GDF11: variants seen among roughly 807,000 people sequenced by gnomAD.
The protein encoded by GDF11 is growth differentiation factor 11, also known as growth/differentiation factor 11.
Under a neutral mutation model 34.4 loss-of-function variants are expected in GDF11, and 12 were observed. The ratio of observed to expected loss-of-function variants is 0.35; its 90% confidence interval spans 0.22 to 0.57. The LOEUF is 0.57. Among genes scored for constraint, GDF11 ranks in the 20% least tolerant of loss-of-function variants. The pLI is 0.86. For missense variants in GDF11, 346 were observed against 548.2 expected, an observed-to-expected ratio of 0.63 and a Z score of 3.68; for synonymous variants, 212 against 231.1, an observed-to-expected ratio of 0.92 and a Z score of 0.75.
Position 55,743,447 on chromosome 12 carries a change from G to C in GDF11, c.131G>C (p.Gly44Ala), listed in dbSNP as rs759677658. ...AAAAAAAAGV[G>A]GERSSRPAPS... Reference sequence around the variant, plus strand: ...GCGGCGGCGGCAGCGGCGGGGGTCGGGGGGGAGCGCTCCAGCCGGCCAGCC... The same window carrying C: ...GCGGCGGCGGCAGCGGCGGGGGTCGCGGGGGAGCGCTCCAGCCGGCCAGCC... The change falls in exon 1 of 3, where the codon GGG becomes GCG. Residue 44 changes from glycine to alanine, a missense_variant. Physicochemically the swap from Gly to Ala is moderately conservative, Grantham distance 60. Transcript: ENST00000257868. 1.7e-5 allele frequency: 21 copies of C among 1,248,582 alleles called. No individual in the cohort carries two copies. Among genetic ancestry groups the C allele is most frequent in the Middle Eastern group, 3.1e-4 (1 of 3,236 alleles). The allele number at this position is 1,248,582 out of a possible 1,614,324, so 77.3% of individuals were successfully genotyped here.
chr12:55,746,186 TC>T (rs1878182185), intron 1 of GDF11, among the ~76,000 whole-genome samples: 1 of 152,194 alleles, frequency 6.6e-6, no homozygotes, highest in South Asian at 2.1e-4. Context: ...GGGTACTCTC[TC>T]GAGCCCCGTT....
chr12:55,744,487 T>C (rs1423746681), intron 1 of GDF11, among the ~76,000 whole-genome samples: 1 of 151,992 alleles, frequency 6.6e-6, no homozygotes, highest in Non-Finnish European at 1.5e-5. Flanking sequence ...GCAGGTGGAC[T>C]TGAGAGAGAC....
chr12:55,753,951 C>CTT lies in GDF11; in HGVS notation c.*4070_*4071insTT, dbSNP rs1470611855. 6.6e-6 allele frequency: 1 copy of CTT among 152,086 alleles called. No homozygotes were observed. Among genetic ancestry groups the CTT allele is most frequent in the East Asian group, 1.9e-4 (1 of 5,206 alleles). 9.4% of individuals were successfully genotyped at this position (152,086 alleles called of 1,614,324 possible). A position where few individuals can be genotyped will look rare whatever the true frequency, so the allele number is the denominator to read the frequency against. ...CCAAGCTGAGCAACACAGTAAGACA[C>CTT]TGTCTCTAAAAATAATTAAAGTAAA... is the stretch of plus-strand genomic sequence containing the variant. On this transcript the variant is annotated 3_prime_UTR_variant, in exon 3 of 3. Coordinates refer to ENST00000257868, the MANE Select transcript of GDF11 (RefSeq NM_005811.5).
At chr12:55,745,734 C>T (rs1878168628) in intron 1 of GDF11, among the ~76,000 whole-genome samples, 1 of 148,148 alleles carries the variant, frequency 6.8e-6, no homozygotes, top group Non-Finnish European at 1.5e-5. Context: ...CCCCCTCCCT[C>T]CCCTCCCCCA....
Position 55,750,115 on chromosome 12 carries a change from A to G in GDF11, c.*233A>G, listed in dbSNP as rs952056071. On this transcript the variant is annotated 3_prime_UTR_variant, in exon 3 of 3. Transcript: ENST00000257868. ...GGTGGGGAGTGTTTGAAGTTTGCAG[A>G]TGAGAAGGTTTGACAAAAAGACAGA... 1.5e-5 allele frequency: 8 copies of G among 534,314 alleles called. No individual in the cohort carries two copies. In the African/African-American group the frequency reaches 1.5e-4, roughly 10 times the overall value. The allele number at this position is 534,314 out of a possible 1,614,324, so 33.1% of individuals were successfully genotyped here.
At chr12:55,745,041 T>TG (rs1015828378) in intron 1 of GDF11, among the ~76,000 whole-genome samples, 1 of 151,450 alleles carries the variant, frequency 6.6e-6, no homozygotes, top group African/African-American at 2.4e-5. Context: ...GCTGTGGGGG[T>TG]GGGAGGTATG....
Position 55,749,038 on chromosome 12 carries a change from G to A in GDF11, c.843+55G>A. ...GTGTAACCTGGCCCTGAGGAGATAG[G>A]GTTACATTGGAAAAGGTAGACAAGG... On this transcript the variant is annotated intron_variant, in intron 2 of 2. Transcript: ENST00000257868. The surrounding 1 kb of genome is among the most constrained non-coding windows in gnomAD (Gnocchi z 5.6). The A allele has an allele frequency of 6.7e-7, 1 of 1,481,698 alleles. No homozygotes were observed. Among genetic ancestry groups the A allele is most frequent in the Non-Finnish European group, 9.0e-7 (1 of 1,110,748 alleles). 91.8% of individuals were successfully genotyped at this position (1,481,698 alleles called of 1,614,324 possible). A position where few individuals can be genotyped will look rare whatever the true frequency, so the allele number is the denominator to read the frequency against.
In GDF11 at chr12:55,749,053, G is replaced by A; in HGVS notation, c.843+70G>A. On this transcript the variant is annotated intron_variant, in intron 2 of 2. Transcript: ENST00000257868. The surrounding 1 kb of genome is among the most constrained non-coding windows in gnomAD (Gnocchi z 5.6). ...GAGGAGATAGGGTTACATTGGAAAA[G>A]GTAGACAAGGAATGTGAAGGAGGTT... 1 of 1,424,926 alleles carries A rather than the reference G, an allele frequency of 7.0e-7. No homozygotes were observed. Among genetic ancestry groups the A allele is most frequent in the Non-Finnish European group, 9.3e-7 (1 of 1,071,018 alleles). 88.3% of individuals were successfully genotyped at this position (1,424,926 alleles called of 1,614,324 possible). A position where few individuals can be genotyped will look rare whatever the true frequency, so the allele number is the denominator to read the frequency against.
intron 1 of GDF11, 40 bp downstream of exon 1, chr12:55,743,801 C>G (rs1878119284): frequency 6.9e-7 from 1 of 1,453,560 alleles, no homozygotes; most frequent in African/African-American, 1.4e-5. Flanking sequence ...GGTGCTGGCT[C>G]TGGCCCCGCG....
At position 55,748,973 on chromosome 12, in the gene GDF11, C is replaced by T; in HGVS notation, c.833C>T (p.Ala278Val). 6.3e-7 allele frequency: 1 copy of T among 1,597,316 alleles called. No homozygotes were observed. Among genetic ancestry groups the T allele is most frequent in the Non-Finnish European group, 8.5e-7 (1 of 1,178,528 alleles). ...GCTGTCACCTCCCTGGGGCCGGGAG[C>T]CGAGGGGCTGGTGAGCAGGGGGCCT... ...DLAVTSLGPG[A>V]EGLHPFMELR... Residue 278 changes from alanine (A) to valine (V), a missense_variant, in exon 2 of 3, where the codon GCC becomes GTC. By Grantham distance (64) the Ala-to-Val change is moderately conservative. Coordinates refer to ENST00000257868, the MANE Select transcript of GDF11 (RefSeq NM_005811.5). This position sits in a 1 kb window ranked among gnomAD's most constrained non-coding sequence, Gnocchi z 5.6.
chr12:55,743,261 T>G lies in GDF11; in HGVS notation c.-56T>G. The G allele has an allele frequency of 3.2e-6, 1 of 313,742 alleles. No individual in the cohort carries two copies. The highest frequency in any genetic ancestry group is 4.3e-6 in the Non-Finnish European group (1 of 234,864). 19.4% of individuals were successfully genotyped at this position (313,742 alleles called of 1,614,324 possible). A position where few individuals can be genotyped will look rare whatever the true frequency, so the allele number is the denominator to read the frequency against. On this transcript the variant is annotated 5_prime_UTR_variant, in exon 1 of 3. Transcript: ENST00000257868. The stretch of plus-strand genomic sequence containing the variant: ...CTCCCTCCCTCCTCCCTCCGCCCCC[T>G]CCCCGCGGGACTCCGGCGTCCCCGC...
intron 1 of GDF11, among the ~76,000 whole-genome samples, 176 bp downstream of exon 1, chr12:55,743,937 G>A (rs974696564): frequency 3.3e-5 from 5 of 152,334 alleles, no homozygotes; most frequent in Non-Finnish European, 1.5e-5. Context: ...GTGGAGATGG[G>A]CTGCAAAGTT....
chr12:55,743,882 G>A (rs765742555), intron 1 of GDF11, 121 bp downstream of exon 1: 38 of 768,080 alleles, frequency 4.9e-5, no homozygotes, highest in Middle Eastern at 3.9e-4. Context: ...GCGAAAACTT[G>A]ACGAATTAGG....
Position 55,748,963 on chromosome 12 carries a change from G to T in GDF11, c.823G>T (p.Gly275Trp). The change falls in exon 2 of 3, where the codon GGG becomes TGG. Residue 275 changes from glycine to tryptophan, a missense_variant. Transcript: ENST00000257868. This position sits in a 1 kb window ranked among gnomAD's most constrained non-coding sequence, Gnocchi z 5.6. ...SGTDLAVTSL[G>W]PGAEGLHPFM... The stretch of plus-strand genomic sequence containing the variant: ...CACAGACCTGGCTGTCACCTCCCTG[G>T]GGCCGGGAGCCGAGGGGCTGGTGAG... 1 of 1,599,532 alleles carries T rather than the reference G, an allele frequency of 6.3e-7. No homozygotes were observed. The highest frequency in any genetic ancestry group is 8.5e-7 in the Non-Finnish European group (1 of 1,179,346).
At position 55,750,180 on chromosome 12, in the gene GDF11, A is replaced by T. The variant is rs538037846; in HGVS notation, c.*298A>T. ...GTGATAGAGACAGAGGAACAAAAAGAGCAGCAGTGAGAAGGCAAAGAGAGA... is the reference window on the plus strand; with the variant it reads ...GTGATAGAGACAGAGGAACAAAAAGTGCAGCAGTGAGAAGGCAAAGAGAGA... On this transcript the variant is annotated 3_prime_UTR_variant, in exon 3 of 3. Coordinates refer to ENST00000257868, the MANE Select transcript of GDF11 (RefSeq NM_005811.5). 3.0e-6 allele frequency: 1 copy of T among 335,166 alleles called. No individual in the cohort carries two copies. The highest frequency in any genetic ancestry group is 2.1e-5 in the African/African-American group (1 of 48,370). The allele number at this position is 335,166 out of a possible 1,614,324, so 20.8% of individuals were successfully genotyped here.
At position 55,750,004 on chromosome 12, in the gene GDF11, C is replaced by A; in HGVS notation, c.*122C>A. ...CGCGAACATCACACCGTTCCCCGAC[C>A]AAGCCGTGTGCAATACAACAGAGGG... On this transcript the variant is annotated 3_prime_UTR_variant, in exon 3 of 3. Transcript: ENST00000257868. 1 of 867,774 alleles carries A rather than the reference C, an allele frequency of 1.2e-6. No homozygotes were observed. The highest frequency in any genetic ancestry group is 2.5e-5 in the East Asian group (1 of 39,938). The allele number at this position is 867,774 out of a possible 1,614,324, so 53.8% of individuals were successfully genotyped here.
rs769376446 is a variant in GDF11, at chr12:55,743,506, G to T, written c.190G>T (p.Val64Leu). The change falls in exon 1 of 3, where the codon GTG becomes TTG. Residue 64 changes from valine (V) to leucine (L), a missense_variant. Physicochemically the swap from Val to Leu is conservative, Grantham distance 32 (BLOSUM62 1). Coordinates refer to ENST00000257868, the MANE Select transcript of GDF11 (RefSeq NM_005811.5). ...SVAPEPDGCP[V>L]CVWRQHSREL... is the part of the protein sequence containing the mutation. Reference sequence around the variant, plus strand: ...GGCGCCCGAGCCGGACGGCTGCCCCGTGTGCGTTTGGCGGCAGCACAGCCG... The same window carrying T: ...GGCGCCCGAGCCGGACGGCTGCCCCTTGTGCGTTTGGCGGCAGCACAGCCG... 6.3e-7 allele frequency: 1 copy of T among 1,588,706 alleles called. No homozygotes were observed. Among genetic ancestry groups the T allele is most frequent in the South Asian group, 1.1e-5 (1 of 89,646 alleles).
In GDF11 at chr12:55,750,001, G is replaced by GACCAAGCC; in HGVS notation, c.*120_*127dup. ...TCCCGCGAACATCACACCGTTCCCCGACCAAGCCGTGTGCAATACAACAGA... is the reference window on the plus strand; with the variant it reads ...TCCCGCGAACATCACACCGTTCCCCGACCAAGCCACCAAGCCGTGTGCAATACAACAGA... On this transcript the variant is annotated 3_prime_UTR_variant, in exon 3 of 3. Transcript: ENST00000257868. 1 of 888,758 alleles carries GACCAAGCC rather than the reference G, an allele frequency of 1.1e-6. No homozygotes were observed. Among genetic ancestry groups the GACCAAGCC allele is most frequent in the Non-Finnish European group, 1.7e-6 (1 of 582,236 alleles). The allele number at this position is 888,758 out of a possible 1,614,324, so 55.1% of individuals were successfully genotyped here. A position where few individuals can be genotyped will look rare whatever the true frequency, so the allele number is the denominator to read the frequency against.
chr12:55,748,736 G>C lies in GDF11; in HGVS notation c.596G>C (p.Arg199Pro). 1.2e-6 allele frequency: 2 copies of C among 1,614,236 alleles called. No individual in the cohort carries two copies. The highest frequency in any genetic ancestry group is 1.7e-6 in the Non-Finnish European group (2 of 1,180,048). Residue 199 changes from arginine to proline, a missense_variant, in exon 2 of 3, where the codon CGA becomes CCA. Transcript: ENST00000257868. The surrounding 1 kb of genome is among the most constrained non-coding windows in gnomAD (Gnocchi z 5.6). ...GCCACAGTCTACCTGCAGATCTTGC[G>C]ACTAAAACCCCTAACTGGGGAAGGG... Reference protein sequence around the residue: ...RPATVYLQILRLKPLTGEGTA... With the variant: ...RPATVYLQILPLKPLTGEGTA...
Sources: gnomAD v4.1 joint callset for allele counts (sites outside exome capture counted in the v4.1 genomes callset) on GRCh38, gnomAD v4.1.1 for gene constraint, Gnocchi (gnomAD v3.1) non-coding constraint, MANE v1.5 for transcripts, NCBI Gene and HGNC (gene_info 2026-07-23, HGNC 2026-07-21) for gene names.